Variants in PREX2 observed in about 807,000 individuals in gnomAD.
The protein encoded by PREX2 is phosphatidylinositol 3,4,5-trisphosphate-dependent Rac exchanger 2 protein.
A neutral mutation model predicts 203.2 loss-of-function variants in PREX2; 107 were observed. The ratio of observed to expected loss-of-function variants is 0.53; its 90% CI spans 0.45 to 0.62. PREX2 has a LOEUF of 0.62. PREX2 is among the 20% of genes least tolerant of loss of function. The pLI is 0.00. For missense variants in PREX2, 1,777 were observed against 1,955.9 expected (o/e 0.91, Z 1.72); for synonymous variants, 672 against 663.6 (o/e 1.01, Z -0.19).
At chr8:68,065,384 CTT>C (rs1808985477) in intron 11 of PREX2, among the ~76,000 whole-genome samples, 1 of 152,146 alleles carries the variant, frequency 6.6e-6, no homozygotes. Flanking sequence ...CGTTATTTCT[CTT>C]GATTTTATAT....
chr8:68,218,335 G>A (rs970342334), intron 38 of PREX2, among the ~76,000 whole-genome samples: 4 of 152,122 alleles, frequency 2.6e-5, no homozygotes, highest in Non-Finnish European at 5.9e-5. Context: ...TAAGTGTGGC[G>A]GTTTAGTTTT....
chr8:68,192,417 C>G lies in PREX2; in HGVS notation c.4496C>G (p.Ala1499Gly), dbSNP rs1812316672. The G allele has an allele frequency of 6.2e-7, 1 of 1,614,102 alleles. No homozygotes were observed. Among genetic ancestry groups the G allele is most frequent in the Non-Finnish European group, 8.5e-7 (1 of 1,179,990 alleles). ...AGATCCAAGCGCACAGCTGCCTGTG[C>G]AAACACAGCTTGCAGTGCTTCTGGG... ...FIRSKRTAAC[A>G]NTACSASGVG... The change falls in exon 37 of 40, where the codon GCA (alanine) becomes GGA (glycine). Residue 1499 changes from alanine to glycine, a missense_variant. Physicochemically the swap from Ala to Gly is moderately conservative, Grantham distance 60. Transcript: ENST00000288368.
intron 11 of PREX2, among the ~76,000 whole-genome samples, chr8:68,066,197 T>C (rs1809011467): frequency 6.6e-6 from 1 of 152,154 alleles, no homozygotes; most frequent in Non-Finnish European, 1.5e-5. Context: ...GGTACAGATA[T>C]CTCTTTGACA....
chr8:68,035,486 T>A (rs1808001753), intron 6 of PREX2, among the ~76,000 whole-genome samples: 1 of 152,154 alleles, frequency 6.6e-6, no homozygotes, highest in African/African-American at 2.4e-5. Context: ...CATACATATA[T>A]GTGGTTAAAC....
chr8:68,193,242 A>G (rs565219097), intron 37 of PREX2, among the ~76,000 whole-genome samples: 2 of 152,206 alleles, frequency 1.3e-5, no homozygotes, highest in Non-Finnish European at 2.9e-5. Flanking sequence ...TGGAAATAAT[A>G]GAAGAGAATT....
chr8:68,018,888 C>A (rs1301867066), intron 2 of PREX2, among the ~76,000 whole-genome samples: 1 of 152,158 alleles, frequency 6.6e-6, no homozygotes, highest in Non-Finnish European at 1.5e-5. Context: ...CTCTATTTCC[C>A]CATGAGTAAA....
intron 30 of PREX2, among the ~76,000 whole-genome samples, chr8:68,124,436 G>A (rs1296475722): frequency 1.3e-5 from 2 of 152,026 alleles, no homozygotes; most frequent in African/African-American, 4.8e-5. Context: ...GAAGCTAAAT[G>A]ATGAGAACAC....
chr8:68,167,213 C>A (rs1479338933), intron 35 of PREX2, among the ~76,000 whole-genome samples: 1 of 152,128 alleles, frequency 6.6e-6, no homozygotes, highest in Admixed American at 6.5e-5. Flanking sequence ...ATGTCTTATT[C>A]CCACCTCCTA....
Position 68,080,424 on chromosome 8 carries a change from C to T in PREX2, c.1643-19C>T, listed in dbSNP as rs1369279905. 9 of 1,604,060 alleles carry T rather than the reference C, an allele frequency of 5.6e-6. No homozygotes were observed. The South Asian group carries it at 7.9e-5, about 14-fold the overall frequency. On this transcript the variant is annotated intron_variant, in intron 15 of 39. Transcript: ENST00000288368. ...TTTTTGAATTAGCTGAAATAATTTG[C>T]ATCTGTCTTTTTCTGTAGTCCTTGA...
At chr8:68,148,116 A>G (rs751780711) in intron 34 of PREX2, among the ~76,000 whole-genome samples, 2 of 151,996 alleles carry the variant, frequency 1.3e-5, no homozygotes, top group Non-Finnish European at 2.9e-5. Flanking sequence ...GTGTGTTGGT[A>G]TGCGCCTGTA....
At chr8:68,201,543 T>C (rs1477766440) in intron 37 of PREX2, among the ~76,000 whole-genome samples, 1 of 152,190 alleles carries the variant, frequency 6.6e-6, no homozygotes, top group Non-Finnish European at 1.5e-5. Context: ...TCTGGGAGGC[T>C]AAGCCAGTCT....
intron 30 of PREX2, among the ~76,000 whole-genome samples, chr8:68,123,260 C>T (rs1239086914): frequency 6.6e-6 from 1 of 152,056 alleles, no homozygotes; most frequent in African/African-American, 2.4e-5. Flanking sequence ...AAATTTGTCG[C>T]ACTAAATGCC....
chr8:68,071,881 A>G (rs1056329606), intron 13 of PREX2, among the ~76,000 whole-genome samples: 10 of 152,202 alleles, frequency 6.6e-5, no homozygotes, highest in Admixed American at 5.9e-4. Flanking sequence ...TGGAGCATTC[A>G]GGAGCAGGAA....
At chr8:68,003,342 T>G (rs1165847623) in intron 1 of PREX2, among the ~76,000 whole-genome samples, 1 of 139,378 alleles carries the variant, frequency 7.2e-6, no homozygotes, top group Non-Finnish European at 1.6e-5. Flanking sequence ...AGTATAGTAT[T>G]TTCTGATTAA....
intron 8 of PREX2, among the ~76,000 whole-genome samples, chr8:68,047,478 T>TATATATATATATATACAC (rs1563516860): frequency 3.4e-4 from 15 of 44,412 alleles, no homozygotes; most frequent in African/African-American, 2.7e-3. Context: ...TTTATATATA[T>TATATATATATATATACAC]ATATATATAT....
chr8:68,123,761 C>T (rs979648426), intron 30 of PREX2, among the ~76,000 whole-genome samples: 5 of 151,384 alleles, frequency 3.3e-5, no homozygotes, highest in Admixed American at 2.0e-4. Context: ...AAAGTTGAAT[C>T]AGTAATAAAT....
rs146683881 is a variant in PREX2, at chr8:68,234,720, C to T, written c.*3342C>T. On this transcript the variant is annotated 3_prime_UTR_variant, in exon 40 of 40. Transcript: ENST00000288368. ...TGAAGTCTCATACTGTTTTCTGTCT[C>T]TTTAAAACACATTCTTCTGGTGGCT... The T allele has an allele frequency of 6.6e-6, 1 of 152,166 alleles. No homozygotes were observed. The highest frequency in any genetic ancestry group is 2.4e-5 in the African/African-American group (1 of 41,530). The allele number at this position is 152,166 out of a possible 1,614,324, so 9.4% of individuals were successfully genotyped here.
At chr8:68,083,115 A>T (rs1033166627) in intron 17 of PREX2, 125 bp from the exon 18 acceptor site, 4 of 603,040 alleles carry the variant, frequency 6.6e-6, no homozygotes, top group Non-Finnish European at 1.2e-5. Context: ...GTATAAAAAC[A>T]CGGCAGGTGT....
At chr8:68,146,689 A>G (rs932594583) in intron 34 of PREX2, among the ~76,000 whole-genome samples, 5 of 152,178 alleles carry the variant, frequency 3.3e-5, no homozygotes, top group Non-Finnish European at 7.4e-5. Flanking sequence ...AGAAAAAGTT[A>G]ATATATGCAT....
Sources: gnomAD v4.1 joint callset for allele counts (sites outside exome capture counted in the v4.1 genomes callset) on GRCh38, gnomAD v4.1.1 for gene constraint, MANE v1.5 for transcripts, NCBI Gene and HGNC (gene_info 2026-07-23, HGNC 2026-07-21) for gene names.